Variants in UPF1 observed in about 807,000 individuals in gnomAD.
The protein encoded by UPF1 is UPF1 RNA helicase and ATPase, also known as regulator of nonsense transcripts 1.
A neutral mutation model predicts 129.2 loss-of-function variants in UPF1; 9 were observed. The observed-to-expected ratio is 0.07, with a 90% confidence interval of 0.04 to 0.12. The LOEUF (loss-of-function observed/expected upper bound fraction) is 0.12, where lower values mean the gene tolerates loss of function less well. Ranked by LOEUF, UPF1 falls within the 10% of genes least tolerant of loss-of-function variation. UPF1 has a pLI of 1.00. For missense variants in UPF1, 788 were observed against 1,525.3 expected (o/e 0.52, Z 8.05); for synonymous variants, 649 against 644.9 (o/e 1.01, Z -0.10).
chr19:18,850,974 C>A lies in UPF1; in HGVS notation c.810+106C>A. 1 of 1,357,940 alleles carries A rather than the reference C, an allele frequency of 7.4e-7. No individual in the cohort carries two copies. Among genetic ancestry groups the A allele is most frequent in the Non-Finnish European group, 9.7e-7 (1 of 1,033,952 alleles). The allele number at this position is 1,357,940 out of a possible 1,614,324, so 84.1% of individuals were successfully genotyped here. On this transcript the variant is annotated intron_variant, in intron 5 of 23. Coordinates refer to ENST00000262803, the MANE Select transcript of UPF1 (RefSeq NM_002911.4). The surrounding 1 kb of genome is among the most constrained non-coding windows in gnomAD (Gnocchi z 7.1). The stretch of plus-strand genomic sequence containing the variant: ...ACCCAGTGAGACCGCTGGAGATTCT[C>A]TGAAAGGAATTCAGGCAGACCTCTG...
Position 18,852,679 on chromosome 19 carries a change from T to TTCTGTCCCTCCCTCCCCTCCTCTC in UPF1, c.973-304_973-281dup, listed in dbSNP as rs1601113406. Among the ~76,000 whole-genome samples the TTCTGTCCCTCCCTCCCCTCCTCTC allele has an allele frequency of 3.0e-5, 4 of 133,192 alleles. No homozygotes were observed. The East Asian group carries it at 1.1e-3, about 35-fold the overall frequency. 87.4% of individuals were successfully genotyped at this position (133,192 alleles called of 152,430 possible). On this transcript the variant is annotated intron_variant, in intron 6 of 23. Transcript: ENST00000262803. ...TTTCTGTCCCTCCCTCCCCTCCTCT[T>TTCTGTCCCTCCCTCCCCTCCTCTC]TCTGTCCCTCCCTCCCCTCCTCTCT...
intron 2 of UPF1, 27 bp from the exon 3 acceptor site, chr19:18,847,717 G>A: frequency 6.2e-7 from 1 of 1,606,860 alleles, no homozygotes; most frequent in Non-Finnish European, 8.5e-7. Context: ...GCTTCCAGCT[G>A]TAACTGTCGC....
rs972911896 is a variant in UPF1 at position 18,867,308 on chromosome 19, G to A, written c.*791G>A. 4 of 152,372 alleles carry A rather than the reference G, an allele frequency of 2.6e-5. No individual in the cohort carries two copies. Among genetic ancestry groups the A allele is most frequent in the African/African-American group, 4.8e-5 (2 of 41,588 alleles). The allele number at this position is 152,372 out of a possible 1,614,324, so 9.4% of individuals were successfully genotyped here. On this transcript the variant is annotated 3_prime_UTR_variant, in exon 24 of 24. Coordinates refer to ENST00000262803, the MANE Select transcript of UPF1 (RefSeq NM_002911.4). The stretch of plus-strand genomic sequence containing the variant: ...CAGGCTGCTGGGGTAGCCGCCCGCC[G>A]AGCCTGGAAGCTGCTCGTTCTCCGC...
intron 1 of UPF1, among the ~76,000 whole-genome samples, chr19:18,833,493 G>A (rs2055450751): frequency 6.6e-6 from 1 of 151,686 alleles, no homozygotes; most frequent in Non-Finnish European, 1.5e-5. Flanking sequence ...TTAAATGGGG[G>A]CTTGGGTTGG....
chr19:18,864,125 C>A (rs1409111956), intron 19 of UPF1, 45 bp from the exon 20 acceptor site: 3 of 1,584,332 alleles, frequency 1.9e-6, no homozygotes, highest in African/African-American at 1.3e-5. Flanking sequence ...GAAGTTGTTC[C>A]TTCTGTTGAG....
chr19:18,840,670 C>T (rs2055531664), intron 1 of UPF1, among the ~76,000 whole-genome samples: 1 of 152,168 alleles, frequency 6.6e-6, no homozygotes, highest in African/African-American at 2.4e-5. Flanking sequence ...GCCCTGGCAC[C>T]AGTGCTGTTC....
At chr19:18,843,571 T>A (rs2055564880) in intron 1 of UPF1, among the ~76,000 whole-genome samples, 1 of 139,448 alleles carries the variant, frequency 7.2e-6, no homozygotes, top group Admixed American at 8.1e-5. Flanking sequence ...CAGGCTGGAG[T>A]GCAGTGGTGT....
intron 15 of UPF1, chr19:18,859,422 C>T (rs545243510): frequency 6.6e-6 from 1 of 152,380 alleles, no homozygotes; most frequent in African/African-American, 2.4e-5. Context: ...CCCAGAACCA[C>T]CTGACCAGCT....
intron 17 of UPF1, 96 bp from the exon 18 acceptor site, chr19:18,861,914 T>G: frequency 6.7e-7 from 1 of 1,489,782 alleles, no homozygotes; most frequent in Admixed American, 2.1e-5. Context: ...AGCTCCCGGG[T>G]GGGATTTGAG....
intron 3 of UPF1, among the ~76,000 whole-genome samples, chr19:18,849,632 C>T (rs2055636929): frequency 6.6e-6 from 1 of 152,144 alleles, no homozygotes; most frequent in African/African-American, 2.4e-5. Flanking sequence ...GGGACTGTTG[C>T]TCCTGGAAGT....
intron 1 of UPF1, among the ~76,000 whole-genome samples, chr19:18,835,973 C>G: frequency 6.6e-6 from 1 of 152,180 alleles, no homozygotes; most frequent in East Asian, 1.9e-4. Flanking sequence ...GACAGTGTGT[C>G]CCCACCGGGA....
chr19:18,854,549 A>G, intron 8 of UPF1, 52 bp from the exon 9 acceptor site: 1 of 1,492,430 alleles, frequency 6.7e-7, no homozygotes, highest in Non-Finnish European at 9.2e-7. Context: ...AGGGTGGCCC[A>G]GAAAGGTCAG....
intron 1 of UPF1, among the ~76,000 whole-genome samples, chr19:18,839,976 C>T (rs1350445628): frequency 1.3e-5 from 2 of 152,052 alleles, no homozygotes; most frequent in Non-Finnish European, 2.9e-5. Flanking sequence ...AGCACTTTGC[C>T]TAGAAGGAGG....
At chr19:18,842,862 C>G (rs574324017) in intron 1 of UPF1, among the ~76,000 whole-genome samples, 2 of 151,920 alleles carry the variant, frequency 1.3e-5, no homozygotes, top group Non-Finnish European at 2.9e-5. Context: ...TGGCGCATGC[C>G]TGTAATCCCA....
intron 11 of UPF1, chr19:18,855,514 T>C (rs1438295043): frequency 3.6e-6 from 2 of 554,318 alleles, no homozygotes; most frequent in East Asian, 3.1e-5. Context: ...TGCGGCACTT[T>C]ATAGTGTGGC....
rs1568278578 is a variant in UPF1, at chr19:18,855,254, AC to A, written c.1544+13del. 6.2e-7 allele frequency: 1 copy of A among 1,608,020 alleles called. No individual in the cohort carries two copies. The highest frequency in any genetic ancestry group is 2.2e-5 in the East Asian group (1 of 44,874). ...CGGCAAGGCAACGGGTAGGGCTGAC[AC>A]GGCCCTTGCGGGCAAGACCCGGGAG... is the stretch of plus-strand genomic sequence containing the variant. On this transcript the variant is annotated intron_variant, in intron 11 of 23. Transcript: ENST00000262803.
intron 1 of UPF1, among the ~76,000 whole-genome samples, chr19:18,833,662 A>G (rs372276455): frequency 6.6e-6 from 1 of 151,970 alleles, no homozygotes; most frequent in African/African-American, 2.4e-5. Context: ...TTTGTGCCTG[A>G]CCTCTCGCTC....
chr19:18,857,613 C>A, intron 15 of UPF1, 80 bp downstream of exon 15: 1 of 1,433,636 alleles, frequency 7.0e-7, no homozygotes, highest in Non-Finnish European at 9.3e-7. Context: ...AAGGAACTGG[C>A]CCATCAGCTT....
intron 10 of UPF1, 39 bp downstream of exon 10, chr19:18,855,077 G>T (rs2055701858): frequency 6.2e-7 from 1 of 1,613,044 alleles, no homozygotes. Flanking sequence ...TCGCCCATGG[G>T]CCGGGACGCA....
Sources: allele counts gnomAD v4.1 joint callset (sites outside exome capture counted in the v4.1 genomes callset), GRCh38; gene constraint gnomAD v4.1.1; non-coding constraint Gnocchi (gnomAD v3.1); transcripts MANE v1.5; gene names NCBI Gene and HGNC (gene_info 2026-07-23, HGNC 2026-07-21).